Variants in CACNA1C observed in about 807,000 individuals in gnomAD.
CACNA1C encodes the protein calcium voltage-gated channel subunit alpha1 C, also known as voltage-dependent L-type calcium channel subunit alpha-1C.
CACNA1C carries 30 observed loss-of-function variants against 229.0 expected under a neutral mutation model. That is an observed-to-expected ratio of 0.13 (90% CI 0.10 to 0.18). The LOEUF (loss-of-function observed/expected upper bound fraction) is 0.18. Among genes scored for constraint, CACNA1C ranks in the 10% least tolerant of loss-of-function variants. CACNA1C has a pLI of 1.00. For missense variants in CACNA1C, 1,658 were observed against 2,845.0 expected (o/e 0.58, Z 9.49); for synonymous variants, 1,114 against 1,132.5 (o/e 0.98, Z 0.33).
chr12:2,523,882 T>A (rs1297101909), intron 9 of CACNA1C, among the ~76,000 whole-genome samples: 1 of 152,146 alleles, frequency 6.6e-6, no homozygotes, highest in African/African-American at 2.4e-5. Context: ...ACAGTTACCC[T>A]TGCCTCCCTC....
intron 38 of CACNA1C, among the ~76,000 whole-genome samples, chr12:2,674,239 C>CACT (rs1386088818): frequency 1.3e-5 from 2 of 152,202 alleles, no homozygotes; most frequent in African/African-American, 4.8e-5. Flanking sequence ...CAAGGAAGAG[C>CACT]ACTGAGTGCC....
chr12:2,554,887 C>T (rs1363306746), intron 10 of CACNA1C, among the ~76,000 whole-genome samples: 2 of 152,216 alleles, frequency 1.3e-5, no homozygotes, highest in African/African-American at 4.8e-5. Context: ...GGAACTTAGC[C>T]ATTTGGCGGT....
chr12:2,047,011 G>A (rs2051191364), intron 1 of CACNA1C, among the ~76,000 whole-genome samples: 1 of 152,214 alleles, frequency 6.6e-6, no homozygotes, highest in Non-Finnish European at 1.5e-5. Context: ...TCTCTGAACC[G>A]TGGGTTGGGG....
In CACNA1C at chr12:2,540,564, T is replaced by C. The variant is rs537520373; in HGVS notation, c.1391-9379T>C. Among the ~76,000 whole-genome samples the C allele has an allele frequency of 1.1e-4, 16 of 152,206 alleles. No homozygotes were observed. In the East Asian group the frequency reaches 3.1e-3, roughly 29 times the overall value. ...CCGAAACTCCTCCCCTCCACTGCTG[T>C]GGTGTGAGAGCGGTGATAGACAGCA... On this transcript the variant is annotated intron_variant, in intron 9 of 46. Coordinates refer to ENST00000399655, the MANE Select transcript of CACNA1C (RefSeq NM_000719.7).
rs1202536199 is a variant in CACNA1C, at chr12:2,488,247, A to C, written c.916+1985A>C. 6.6e-6 allele frequency among the ~76,000 whole-genome samples: 1 copy of C among 152,174 alleles called. No individual in the cohort carries two copies. Among genetic ancestry groups the C allele is most frequent in the Non-Finnish European group, 1.5e-5 (1 of 68,012 alleles). On this transcript the variant is annotated intron_variant, in intron 6 of 46. Transcript: ENST00000399655. This position sits in a 1 kb window ranked among gnomAD's most constrained non-coding sequence, Gnocchi z 4.0. ...TTTTCTGCCGGTGGTGGGCTCCTGC[A>C]AGGGCGGGTGAGGATAAGCGGCCCT...
chr12:2,400,949 T>C (rs79955641), intron 3 of CACNA1C, among the ~76,000 whole-genome samples: 1,893 of 152,180 alleles, frequency 0.012, 21 homozygotes, highest in East Asian at 0.063. Context: ...ACCTCCATCC[T>C]CATCCTCTGA....
At chr12:2,327,637 T>C (rs1192126364) in intron 3 of CACNA1C, among the ~76,000 whole-genome samples, 1 of 152,194 alleles carries the variant, frequency 6.6e-6, no homozygotes, top group Non-Finnish European at 1.5e-5. Flanking sequence ...TCGGAATACG[T>C]GAACCTGATT....
intron 13 of CACNA1C, among the ~76,000 whole-genome samples, chr12:2,573,890 AG>A (rs1218725637): frequency 6.6e-6 from 1 of 152,242 alleles, no homozygotes; most frequent in Non-Finnish European, 1.5e-5. Flanking sequence ...TGATGCCTGA[AG>A]GGAGCAGATG....
At chr12:2,000,455 TTC>T (rs373642499) in intron 1 of CACNA1C, among the ~76,000 whole-genome samples, 1 of 150,774 alleles carries the variant, frequency 6.6e-6, no homozygotes, top group African/African-American at 2.4e-5. Flanking sequence ...GTAACAGAAA[TTC>T]TCTTTTCTTA....
chr12:2,304,411 C>T (rs2094840859), intron 3 of CACNA1C, among the ~76,000 whole-genome samples: 1 of 152,200 alleles, frequency 6.6e-6, no homozygotes, highest in South Asian at 2.1e-4. Flanking sequence ...ACATAAATAG[C>T]ACTGATATCC....
At chr12:2,218,487 T>C (rs532787287) in intron 3 of CACNA1C, among the ~76,000 whole-genome samples, 4 of 152,290 alleles carry the variant, frequency 2.6e-5, no homozygotes, top group Admixed American at 2.6e-4. Flanking sequence ...CTCCCTTTTT[T>C]ATTCCTGTAG....
chr12:2,237,833 G>T (rs1010025996), intron 3 of CACNA1C, among the ~76,000 whole-genome samples: 2 of 152,166 alleles, frequency 1.3e-5, no homozygotes, highest in Admixed American at 1.3e-4. Context: ...AGCATCCTTC[G>T]ATAGAACATT....
chr12:2,060,237 T>A (rs929718141), intron 1 of CACNA1C, among the ~76,000 whole-genome samples: 1 of 152,158 alleles, frequency 6.6e-6, no homozygotes, highest in African/African-American at 2.4e-5. Context: ...CTGTGGGACT[T>A]CCCTGGTGAG....
chr12:2,066,168 C>G (rs1163323557), intron 1 of CACNA1C, among the ~76,000 whole-genome samples: 1 of 151,990 alleles, frequency 6.6e-6, no homozygotes. Flanking sequence ...AAGCCAGAGA[C>G]AAGGGAGCCC....
chr12:2,199,705 T>C (rs1566334391), intron 3 of CACNA1C, among the ~76,000 whole-genome samples: 1 of 152,062 alleles, frequency 6.6e-6, no homozygotes. Context: ...CCCACAGGTG[T>C]TGCCCCCCTC....
Position 2,633,398 on chromosome 12 carries a change from T to C in CACNA1C, c.3829-899T>C, listed in dbSNP as rs767840141. Among the ~76,000 whole-genome samples the C allele has an allele frequency of 1.3e-4, 20 of 152,214 alleles. No individual in the cohort carries two copies. The highest frequency in any genetic ancestry group is 6.5e-4 in the Admixed American group (10 of 15,284). ...AGAAGGGGTAGGGTGGGTGGATCTGTAGGATGGGGGCCACGTGACCGAGGG... is the reference window on the plus strand; with the variant it reads ...AGAAGGGGTAGGGTGGGTGGATCTGCAGGATGGGGGCCACGTGACCGAGGG... On this transcript the variant is annotated intron_variant, in intron 29 of 46. Transcript: ENST00000399655. This position sits in a 1 kb window ranked among gnomAD's most constrained non-coding sequence, Gnocchi z 5.8.
Position 2,054,015 on chromosome 12 carries a change from G to C in CACNA1C, c.49+404G>C, listed in dbSNP as rs1478343999. 6.8e-6 allele frequency among the ~76,000 whole-genome samples: 1 copy of C among 147,030 alleles called. No individual in the cohort carries two copies. The highest frequency in any genetic ancestry group is 1.5e-5 in the Non-Finnish European group (1 of 66,182). ...GGAGCCCAGAGGCCCGGGGTCCCTC[G>C]CCCGGCTCGGGGCGCGGCTGGGAGC... On this transcript the variant is annotated intron_variant, in intron 1 of 46. Coordinates refer to ENST00000399655, the MANE Select transcript of CACNA1C (RefSeq NM_000719.7). This position sits in a 1 kb window ranked among gnomAD's most constrained non-coding sequence, Gnocchi z 5.5.
intron 4 of CACNA1C, among the ~76,000 whole-genome samples, chr12:2,457,186 G>A (rs2099434401): frequency 6.6e-6 from 1 of 152,224 alleles, no homozygotes; most frequent in Admixed American, 6.5e-5. Context: ...ATGGTTGCTG[G>A]CACACCTGGG....
intron 3 of CACNA1C, among the ~76,000 whole-genome samples, chr12:2,174,716 A>G (rs1254209389): frequency 6.6e-6 from 1 of 152,230 alleles, no homozygotes; most frequent in Non-Finnish European, 1.5e-5. Context: ...CCTAACTACT[A>G]ACAATCTACT....
Sources: gnomAD v4.1 joint callset for allele counts (sites outside exome capture counted in the v4.1 genomes callset) on GRCh38, gnomAD v4.1.1 for gene constraint, Gnocchi (gnomAD v3.1) non-coding constraint, MANE v1.5 for transcripts, NCBI Gene and HGNC (gene_info 2026-07-23, HGNC 2026-07-21) for gene names.